ANKRD36C: variants seen among roughly 807,000 people sequenced by gnomAD.
ANKRD36C encodes ankyrin repeat domain-containing protein 36C.
ANKRD36C carries 61 observed loss-of-function variants against 276.4 expected under a neutral mutation model. That is an observed-to-expected ratio of 0.22 (90% CI 0.18 to 0.27). The LOEUF (loss-of-function observed/expected upper bound fraction) is 0.27. Among genes scored for constraint, ANKRD36C ranks in the 10% least tolerant of loss-of-function variants. The probability of loss-of-function intolerance (pLI) is 1.00; values close to 1 mark genes in which losing one functional copy is unlikely to be tolerated. For synonymous variants in ANKRD36C, 483 were observed against 680.1 expected (o/e 0.71, Z 4.51); for missense variants, 1,447 against 2,032.3 (o/e 0.71, Z 5.54).
At position 95,906,608 on chromosome 2, in the gene ANKRD36C, T is replaced by C. The variant is rs1405902270; in HGVS notation, c.2653+5636A>G. On this transcript the variant is annotated intron_variant, in intron 42 of 66. Coordinates refer to ENST00000456556, the Ensembl canonical transcript of ANKRD36C. ...CTTCTTATCTGGACTGAACATGACA[T>C]TAAATGTGTTTTGCAAAGTTACCTG... 16 of 92,650 alleles carry C rather than the reference T, an allele frequency of 1.7e-4. No individual in the cohort carries two copies. The Admixed American group carries it at 2.0e-3, about 12-fold the overall frequency. 5.7% of individuals were successfully genotyped at this position (92,650 alleles called of 1,614,324 possible).
intron 48 of ANKRD36C, among the ~76,000 whole-genome samples, chr2:95,889,485 T>C (rs1297311903): frequency 6.6e-6 from 1 of 151,562 alleles, no homozygotes. Context: ...TCTCTTTCTC[T>C]TTCCCCTCTT....
At chr2:95,893,842 T>C (rs903398260) in intron 44 of ANKRD36C, 118 bp from the exon 63 acceptor site, 14 of 1,539,822 alleles carry the variant, frequency 9.1e-6, no homozygotes, top group Admixed American at 3.8e-5. Flanking sequence ...TAGGCTTTAA[T>C]GGCTTCTACT....
At chr2:95,966,110 A>C (rs1246347872) in intron 6 of ANKRD36C, among the ~76,000 whole-genome samples, 1 of 152,144 alleles carries the variant, frequency 6.6e-6, no homozygotes, top group Non-Finnish European at 1.5e-5. Context: ...CTTCATTTTT[A>C]AAACTCAGAG....
Position 95,915,977 on chromosome 2 carries a change from T to C in ANKRD36C, c.2449+3A>G. On this transcript the variant is annotated splice_donor_region_variant and intron_variant, in intron 38 of 66. Transcript: ENST00000456556. Reference sequence around the variant, plus strand: ...TGACATTAAATGTGTTTTGCAAAATTACCTGTCCTAGATATTTCTCCATCC... The same window carrying C: ...TGACATTAAATGTGTTTTGCAAAATCACCTGTCCTAGATATTTCTCCATCC... 1 of 1,546,666 alleles carries C rather than the reference T, an allele frequency of 6.5e-7. No individual in the cohort carries two copies. The highest frequency in any genetic ancestry group is 8.7e-7 in the Non-Finnish European group (1 of 1,146,868).
intron 59 of ANKRD36C, among the ~76,000 whole-genome samples, chr2:95,874,370 C>T (rs1205818217): frequency 3.9e-5 from 6 of 151,936 alleles, no homozygotes; most frequent in African/African-American, 9.7e-5. Flanking sequence ...TCAGAAATAA[C>T]GCCGCATATC....
intron 6 of ANKRD36C, among the ~76,000 whole-genome samples, chr2:95,977,773 C>A (rs1468774454): frequency 6.6e-6 from 1 of 152,002 alleles, no homozygotes; most frequent in Admixed American, 6.6e-5. Context: ...ATTTATTTTA[C>A]AAATTAAATA....
At position 95,964,001 on chromosome 2, in the gene ANKRD36C, A is replaced by ATATATT. The variant is rs1678531645; in HGVS notation, c.800-1455_800-1454insAATATA. The stretch of plus-strand genomic sequence containing the variant: ...TATATATATATATATATATATATAT[A>ATATATT]TATATATATATATGTGTGTGTGTGT... On this transcript the variant is annotated intron_variant, in intron 6 of 66. Coordinates refer to ENST00000456556, the Ensembl canonical transcript of ANKRD36C. Among the ~76,000 whole-genome samples the ATATATT allele has an allele frequency of 2.2e-4, 5 of 23,054 alleles. No homozygotes were observed. In the South Asian group the frequency reaches 5.8e-3, roughly 27 times the overall value. 15.1% of individuals were successfully genotyped at this position (23,054 alleles called of 152,430 possible).
intron 60 of ANKRD36C, among the ~76,000 whole-genome samples, chr2:95,864,229 G>T (rs1196801968): frequency 6.6e-6 from 1 of 152,050 alleles, no homozygotes; most frequent in Non-Finnish European, 1.5e-5. Context: ...AACAAATGGG[G>T]TTTATTCCAG....
rs543269053 is a variant in ANKRD36C, at chr2:95,868,489, T to G, written c.3541-908A>C. Among the ~76,000 whole-genome samples, 3 of 152,198 alleles carry G rather than the reference T, an allele frequency of 2.0e-5. No homozygotes were observed. The East Asian group carries it at 5.8e-4, about 29-fold the overall frequency. Reference sequence around the variant, plus strand: ...TAGCTACTTCTGGGTTTCTTGCTTTTGTACTTTCAGTATCATTATAAAAAT... The same window carrying G: ...TAGCTACTTCTGGGTTTCTTGCTTTGGTACTTTCAGTATCATTATAAAAAT... On this transcript the variant is annotated intron_variant, in intron 59 of 66. Coordinates refer to ENST00000456556, the Ensembl canonical transcript of ANKRD36C.
chr2:95,853,771 A>G (rs1675344459), exon 64 of ANKRD36C: 1 of 1,603,668 alleles, frequency 6.2e-7, no homozygotes, highest in Non-Finnish European at 8.5e-7. Flanking sequence ...AAATAGATGC[A>G]GTGACGCGAT....
intron 40 of ANKRD36C, among the ~76,000 whole-genome samples, chr2:95,913,133 A>G (rs895650214): frequency 6.7e-6 from 1 of 149,644 alleles, no homozygotes; most frequent in Non-Finnish European, 1.5e-5. Flanking sequence ...TAAAAATATC[A>G]TCAATTATCA....
intron 38 of ANKRD36C, 129 bp from the exon 41 acceptor site, chr2:95,914,432 T>G: frequency 4.1e-6 from 5 of 1,230,228 alleles, no homozygotes; most frequent in Non-Finnish European, 5.8e-6. Context: ...GGCTTCTACT[T>G]TGTGTCTGGG....
At position 95,980,635 on chromosome 2, in the gene ANKRD36C, T is replaced by A. The variant is rs774851023; in HGVS notation, c.731+13A>T. On this transcript the variant is annotated intron_variant, in intron 5 of 66. Coordinates refer to ENST00000456556, the Ensembl canonical transcript of ANKRD36C. The stretch of plus-strand genomic sequence containing the variant: ...AATTTAGTGTTCATTAGCCTTTTTA[T>A]GTAAAGACTTACACTCTGTTCTTAG... The A allele has an allele frequency of 2.5e-6, 4 of 1,608,388 alleles. No homozygotes were observed. In the South Asian group the frequency reaches 4.4e-5, roughly 18 times the overall value.
chr2:95,890,974 C>G (rs1676336656), intron 46 of ANKRD36C, among the ~76,000 whole-genome samples: 1 of 151,442 alleles, frequency 6.6e-6, no homozygotes, highest in Non-Finnish European at 1.5e-5. Flanking sequence ...CTACAATCAA[C>G]AAAATACGTA....
chr2:95,967,919 T>G (rs1256101219), intron 6 of ANKRD36C, among the ~76,000 whole-genome samples: 1 of 151,892 alleles, frequency 6.6e-6, no homozygotes, highest in Admixed American at 6.6e-5. Flanking sequence ...TGAAACCCCA[T>G]CTCAACAAAA....
At chr2:95,984,730 G>A (rs767879968) in intron 3 of ANKRD36C, among the ~76,000 whole-genome samples, 1 of 151,762 alleles carries the variant, frequency 6.6e-6, no homozygotes, top group Non-Finnish European at 1.5e-5. Context: ...TTAGTTCATA[G>A]GACTGCTGCA....
intron 10 of ANKRD36C, among the ~76,000 whole-genome samples, chr2:95,960,095 T>C (rs202080259): frequency 6.6e-6 from 1 of 151,490 alleles, no homozygotes; most frequent in Non-Finnish European, 1.5e-5. Flanking sequence ...CGATCACTTC[T>C]TCCCTCTGGT....
At chr2:95,907,760 C>G (rs1367220349) in intron 42 of ANKRD36C, among the ~76,000 whole-genome samples, 1 of 149,570 alleles carries the variant, frequency 6.7e-6, no homozygotes, top group Non-Finnish European at 1.5e-5. Flanking sequence ...AACAAGGAAA[C>G]AAATTTATTC....
chr2:95,889,704 T>C (rs1161954204), intron 48 of ANKRD36C, 95 bp downstream of exon 68: 25 of 1,447,960 alleles, frequency 1.7e-5, no homozygotes, highest in South Asian at 3.7e-5. Flanking sequence ...AATCAGAACA[T>C]GAAGATTTGA....
Sources: gnomAD v4.1 joint callset for allele counts (sites outside exome capture counted in the v4.1 genomes callset) on GRCh38, gnomAD v4.1.1 for gene constraint, MANE v1.5 for transcripts, NCBI Gene and HGNC (gene_info 2026-07-23, HGNC 2026-07-21) for gene names.